KCNMA1: variants seen among roughly 807,000 people sequenced by gnomAD.
KCNMA1 encodes potassium calcium-activated channel subfamily M alpha 1.
KCNMA1 carries 29 observed loss-of-function variants against 140.0 expected under a neutral mutation model. That is an observed-to-expected ratio of 0.21 (90% CI 0.15 to 0.28). The LOEUF is 0.28. Among genes scored for constraint, KCNMA1 ranks in the 10% least tolerant of loss-of-function variants. The pLI, the probability that KCNMA1 is intolerant of heterozygous loss-of-function variation, is 1.00. For missense variants in KCNMA1, 880 were observed against 1,602.2 expected, an observed-to-expected ratio of 0.55 and a Z score of 7.70; for synonymous variants, 612 against 611.9, an observed-to-expected ratio of 1.00 and a Z score of 0.00.
At chr10:77,472,445 A>G (rs1438123099) in intron 1 of KCNMA1, among the ~76,000 whole-genome samples, 1 of 148,410 alleles carries the variant, frequency 6.7e-6, no homozygotes. Context: ...TGCACGTCAC[A>G]CACACATCAC....
chr10:77,300,798 C>T (rs1463987230), intron 2 of KCNMA1, among the ~76,000 whole-genome samples: 1 of 152,170 alleles, frequency 6.6e-6, no homozygotes, highest in Non-Finnish European at 1.5e-5. Flanking sequence ...CCTTTCTTCT[C>T]CAGCCCCTCT....
chr10:77,489,232 G>A (rs997417661), intron 1 of KCNMA1, among the ~76,000 whole-genome samples: 2 of 152,060 alleles, frequency 1.3e-5, no homozygotes, highest in Non-Finnish European at 2.9e-5. Flanking sequence ...ATTGCATAGG[G>A]CATACTTAAA....
intron 1 of KCNMA1, among the ~76,000 whole-genome samples, chr10:77,525,249 G>A (rs1355746243): frequency 2.6e-5 from 4 of 152,126 alleles, no homozygotes; most frequent in Non-Finnish European, 5.9e-5. Flanking sequence ...GAATCAGGCA[G>A]TAAGAATATG....
intron 2 of KCNMA1, among the ~76,000 whole-genome samples, chr10:77,254,109 G>T (rs2060199660): frequency 6.6e-6 from 1 of 151,904 alleles, no homozygotes; most frequent in African/African-American, 2.4e-5. Context: ...AGTCTGCATG[G>T]TAATGGTATT....
At chr10:77,536,057 C>T (rs1024263477) in intron 1 of KCNMA1, among the ~76,000 whole-genome samples, 2 of 152,126 alleles carry the variant, frequency 1.3e-5, no homozygotes, top group Non-Finnish European at 2.9e-5. Flanking sequence ...GCTCCCAATA[C>T]AAAGAAATGA....
At chr10:77,384,072 T>C (rs1012183370) in intron 2 of KCNMA1, among the ~76,000 whole-genome samples, 6 of 152,236 alleles carry the variant, frequency 3.9e-5, no homozygotes, top group Admixed American at 6.5e-5. Flanking sequence ...GGTGTCTGAC[T>C]CTAATGGTTC....
intron 5 of KCNMA1, among the ~76,000 whole-genome samples, chr10:77,142,748 CA>C (rs1261804324): frequency 1.3e-5 from 2 of 152,162 alleles, no homozygotes; most frequent in African/African-American, 2.4e-5. Flanking sequence ...GACAGAACTA[CA>C]GGTCCTACAA....
At chr10:77,076,239 G>C (rs371078257) in intron 13 of KCNMA1, among the ~76,000 whole-genome samples, 1 of 152,136 alleles carries the variant, frequency 6.6e-6, no homozygotes, top group East Asian at 1.9e-4. Context: ...GGCTTCCAGA[G>C]ATAAAGGCCT....
chr10:76,947,140 T>G (rs1041770033), intron 22 of KCNMA1, among the ~76,000 whole-genome samples: 1 of 151,378 alleles, frequency 6.6e-6, no homozygotes. Flanking sequence ...TTTGCAACCA[T>G]CCTGGCCAAC....
chr10:77,461,066 A>G (rs1056007467), intron 1 of KCNMA1, among the ~76,000 whole-genome samples: 11 of 152,032 alleles, frequency 7.2e-5, no homozygotes, highest in Non-Finnish European at 1.3e-4. Flanking sequence ...AGATCACACC[A>G]TTGCACTCCA....
chr10:77,122,865 A>T (rs1415210320), intron 5 of KCNMA1, among the ~76,000 whole-genome samples: 3 of 152,152 alleles, frequency 2.0e-5, no homozygotes, highest in African/African-American at 7.2e-5. Flanking sequence ...CCGTTAATGT[A>T]ACTAAGATCA....
chr10:77,231,917 C>G (rs1336447577), intron 3 of KCNMA1, among the ~76,000 whole-genome samples: 3 of 152,168 alleles, frequency 2.0e-5, no homozygotes. Context: ...CAAAAAGAAG[C>G]CCTGTAGCCT....
intron 2 of KCNMA1, among the ~76,000 whole-genome samples, chr10:77,311,538 G>A (rs1314549622): frequency 6.6e-6 from 1 of 152,192 alleles, no homozygotes; most frequent in Non-Finnish European, 1.5e-5. Flanking sequence ...ACAGCTCTCA[G>A]TGACCTTGGA....
At chr10:77,439,141 A>AGAAGG (rs2097335944) in intron 1 of KCNMA1, among the ~76,000 whole-genome samples, 1 of 142,090 alleles carries the variant, frequency 7.0e-6, no homozygotes, top group African/African-American at 2.7e-5. Context: ...AGAAGAGAAG[A>AGAAGG]GAAGAGAAAA....
At position 77,084,649 on chromosome 10, in the gene KCNMA1, G is replaced by A. The variant is rs1465957812; in HGVS notation, c.1511C>T (p.Ser504Leu). 1 of 1,614,016 alleles carries A rather than the reference G, an allele frequency of 6.2e-7. No homozygotes were observed. Among genetic ancestry groups the A allele is most frequent in the Non-Finnish European group, 8.5e-7 (1 of 1,179,910 alleles). The change falls in exon 12 of 28, where the codon TCG becomes TTG. Residue 504 changes from serine (S) to leucine (L), a missense_variant. Around this residue, in one of 13 missense-constraint regions of KCNMA1, gnomAD observed 198 missense variants for 580.1 expected, o/e 0.34. Coordinates refer to ENST00000286628, the MANE Select transcript of KCNMA1 (RefSeq NM_001161352.2). Reference sequence around the variant, plus strand: ...CCCCAAGAGTTACCTCATGATATTCGAGGCATCCTCCGCATCCGGGTCAGC... The same window carrying A: ...CCCCAAGAGTTACCTCATGATATTCAAGGCATCCTCCGCATCCGGGTCAGC... ...YCADPDAEDA[S>L]NIMRVISIKN...
intron 26 of KCNMA1, among the ~76,000 whole-genome samples, chr10:76,890,178 C>T (rs969090840): frequency 6.6e-6 from 1 of 152,134 alleles, no homozygotes; most frequent in Non-Finnish European, 1.5e-5. Flanking sequence ...AACTAGGATT[C>T]GCAGTTCTGA....
intron 3 of KCNMA1, among the ~76,000 whole-genome samples, chr10:77,202,803 A>AT (rs1255306777): frequency 1.3e-5 from 2 of 152,204 alleles, no homozygotes; most frequent in Non-Finnish European, 2.9e-5. Context: ...GTCATGGGCA[A>AT]TTATATTGGA....
Position 77,175,229 on chromosome 10 carries a change from TC to T in KCNMA1, c.808+8191del, listed in dbSNP as rs1238098336. Among the ~76,000 whole-genome samples, 3 of 152,138 alleles carry T rather than the reference TC, an allele frequency of 2.0e-5. No homozygotes were observed. The East Asian group carries it at 5.8e-4, about 29-fold the overall frequency. On this transcript the variant is annotated intron_variant, in intron 5 of 27. Transcript: ENST00000286628. ...GGTCTAATCATTTTAAAAGATGGGC[TC>T]CAGAATTGGACTAACCTGAGTCTTG...
At position 77,550,368 on chromosome 10, in the gene KCNMA1, C is replaced by T. The variant is rs571276409; in HGVS notation, c.378+86897G>A. 2.4e-3 allele frequency among the ~76,000 whole-genome samples: 365 copies of T among 152,334 alleles called. 1 individual carries two copies. Among genetic ancestry groups the T allele is most frequent in the Middle Eastern group, 0.024 (7 of 294 alleles). Reference sequence around the variant, plus strand: ...TTGGTCCTGGGAGGTGCTGTAGCAGCTGGAGCTGTCCTCTTTCTGCCGCTG... The same window carrying T: ...TTGGTCCTGGGAGGTGCTGTAGCAGTTGGAGCTGTCCTCTTTCTGCCGCTG... On this transcript the variant is annotated intron_variant, in intron 1 of 27. Coordinates refer to ENST00000286628, the MANE Select transcript of KCNMA1 (RefSeq NM_001161352.2).
Sources: gnomAD v4.1 joint callset for allele counts (sites outside exome capture counted in the v4.1 genomes callset) on GRCh38, gnomAD v4.1.1 for gene constraint, gnomAD v4.1.1 regional missense constraint, MANE v1.5 for transcripts, NCBI Gene and HGNC (gene_info 2026-07-23, HGNC 2026-07-21) for gene names.